EHBP1: variants seen among roughly 807,000 people sequenced by gnomAD.
The protein encoded by EHBP1 is EH domain binding protein 1.
Under a neutral mutation model 144.0 loss-of-function variants are expected in EHBP1, and 55 were observed. The ratio of observed to expected loss-of-function variants is 0.38; its 90% CI spans 0.31 to 0.48. EHBP1 has a LOEUF of 0.48. Among genes scored for constraint, EHBP1 ranks in the 20% least tolerant of loss-of-function variants. The probability of loss-of-function intolerance (pLI) is 0.98; values close to 1 mark genes in which losing one functional copy is unlikely to be tolerated. For synonymous variants in EHBP1, 469 were observed against 472.7 expected (o/e 0.99, Z 0.10); for missense variants, 1,200 against 1,364.2 (o/e 0.88, Z 1.90).
chr2:62,834,375 G>A (rs866644810), intron 7 of EHBP1, among the ~76,000 whole-genome samples: 1 of 152,116 alleles, frequency 6.6e-6, no homozygotes, highest in Non-Finnish European at 1.5e-5. Context: ...TCTTGTTTAG[G>A]AAATGGCAAC....
chr2:62,924,932 C>G (rs904647681), intron 10 of EHBP1, among the ~76,000 whole-genome samples: 1 of 152,114 alleles, frequency 6.6e-6, no homozygotes, highest in Non-Finnish European at 1.5e-5. Context: ...CCCTGATGAA[C>G]GTGGACACAA....
intron 1 of EHBP1, among the ~76,000 whole-genome samples, chr2:62,686,714 T>C (rs1295777185): frequency 1.3e-5 from 2 of 152,254 alleles, no homozygotes; most frequent in Non-Finnish European, 2.9e-5. Flanking sequence ...AAGCGAATGT[T>C]TTAAAAACAT....
chr2:62,863,840 GTTTT>G (rs70962797), intron 8 of EHBP1, among the ~76,000 whole-genome samples: 2 of 82,734 alleles, frequency 2.4e-5, no homozygotes, highest in Admixed American at 1.9e-4. Flanking sequence ...TTTCTGTGTT[GTTTT>G]TTTTTTTTTT....
In EHBP1 at chr2:62,993,657, A is replaced by G. The variant is rs1342693276; in HGVS notation, c.2861A>G (p.Glu954Gly). 2 of 1,596,566 alleles carry G rather than the reference A, an allele frequency of 1.3e-6. No individual in the cohort carries two copies. Among genetic ancestry groups the G allele is most frequent in the Non-Finnish European group, 1.7e-6 (2 of 1,169,978 alleles). The change falls in exon 17 of 23, where the codon GAG (glutamate) becomes GGG (glycine). Residue 954 changes from glutamate (E) to glycine (G), a missense_variant. By Grantham distance (98) the Glu-to-Gly change is moderately conservative. Transcript: ENST00000431489. Reference protein sequence around the residue: ...TQLQSFSQYIENRPEMKRQRS... With the variant: ...TQLQSFSQYIGNRPEMKRQRS... ...CTTCAGTCTTTCAGCCAATATATTG[A>G]GAATAGACCAGGTAGAACACTTTTT...
At chr2:62,994,948 T>C (rs2059570675) in intron 18 of EHBP1, among the ~76,000 whole-genome samples, 1 of 152,214 alleles carries the variant, frequency 6.6e-6, no homozygotes, top group Non-Finnish European at 1.5e-5. Flanking sequence ...TTTCTATTTT[T>C]AACTGAACCA....
chr2:62,936,535 A>G (rs2056398294), intron 10 of EHBP1, among the ~76,000 whole-genome samples: 1 of 152,040 alleles, frequency 6.6e-6, no homozygotes. Context: ...GCTATTTGGG[A>G]GTCCACCAAA....
chr2:63,028,664 G>A (rs2061093539), intron 19 of EHBP1, among the ~76,000 whole-genome samples: 2 of 152,110 alleles, frequency 1.3e-5, no homozygotes, highest in Non-Finnish European at 2.9e-5. Context: ...TTATTGGAAG[G>A]AACCTATCTG....
intron 10 of EHBP1, among the ~76,000 whole-genome samples, 185 bp from the exon 11 acceptor site, chr2:62,942,533 G>T (rs996181062): frequency 2.6e-5 from 4 of 152,212 alleles, no homozygotes; most frequent in African/African-American, 9.6e-5. Context: ...AATGCCAAGG[G>T]CTAAAACTGA....
intron 4 of EHBP1, among the ~76,000 whole-genome samples, chr2:62,764,775 A>G (rs1336994728): frequency 6.6e-6 from 1 of 152,100 alleles, no homozygotes; most frequent in Non-Finnish European, 1.5e-5. Flanking sequence ...TGTGTTTTAA[A>G]TTGATATTTG....
chr2:62,747,466 C>T lies in EHBP1; in HGVS notation c.162+14C>T, dbSNP rs2039267874. On this transcript the variant is annotated intron_variant, in intron 3 of 22. Coordinates refer to ENST00000431489, the MANE Select transcript of EHBP1 (RefSeq NM_001142616.3). The stretch of plus-strand genomic sequence containing the variant: ...AAGTCTTCTAAGGTTAGTGTATTTT[C>T]TAAATTTCTTACCTAATTGTTGAAT... 1 of 1,595,350 alleles carries T rather than the reference C, an allele frequency of 6.3e-7. No homozygotes were observed. Among genetic ancestry groups the T allele is most frequent in the African/African-American group, 1.3e-5 (1 of 74,230 alleles).
intron 10 of EHBP1, among the ~76,000 whole-genome samples, chr2:62,929,206 G>A (rs758250778): frequency 2.0e-5 from 3 of 152,184 alleles, no homozygotes; most frequent in Non-Finnish European, 4.4e-5. Flanking sequence ...AAACATTGGA[G>A]AGGGAATACT....
At chr2:62,840,721 C>T (rs988474014) in intron 7 of EHBP1, among the ~76,000 whole-genome samples, 5 of 150,734 alleles carry the variant, frequency 3.3e-5, no homozygotes, top group Non-Finnish European at 7.4e-5. Context: ...TTTATGCAGC[C>T]AAAAAACACA....
intron 5 of EHBP1, among the ~76,000 whole-genome samples, chr2:62,794,883 C>T (rs1013784742): frequency 1.3e-5 from 2 of 151,894 alleles, no homozygotes; most frequent in Admixed American, 6.6e-5. Flanking sequence ...ATGTATAAAC[C>T]CTTTCTTTTA....
At chr2:62,865,630 G>A (rs1325223563) in intron 9 of EHBP1, among the ~76,000 whole-genome samples, 1 of 152,078 alleles carries the variant, frequency 6.6e-6, no homozygotes, top group Non-Finnish European at 1.5e-5. Context: ...AACACAGACT[G>A]GATTTAGCCT....
chr2:62,741,382 A>C (rs72888930), intron 2 of EHBP1, among the ~76,000 whole-genome samples: 2 of 152,146 alleles, frequency 1.3e-5, no homozygotes, highest in African/African-American at 4.8e-5. Context: ...TGTTCTGCTA[A>C]AAGTTATTAC....
intron 19 of EHBP1, among the ~76,000 whole-genome samples, chr2:63,020,544 G>A (rs1311737807): frequency 6.6e-6 from 1 of 151,560 alleles, no homozygotes; most frequent in African/African-American, 2.4e-5. Context: ...AGAAAAGGCT[G>A]ATAATACCTA....
chr2:62,779,949 T>C (rs1389584051), intron 5 of EHBP1, among the ~76,000 whole-genome samples: 1 of 152,170 alleles, frequency 6.6e-6, no homozygotes, highest in Non-Finnish European at 1.5e-5. Context: ...TGTTGTTTGC[T>C]TTACCAGATT....
intron 9 of EHBP1, among the ~76,000 whole-genome samples, chr2:62,869,973 T>C (rs2050333377): frequency 6.6e-6 from 1 of 152,192 alleles, no homozygotes; most frequent in African/African-American, 2.4e-5. Context: ...TATAATTATA[T>C]GATCACTTGT....
intron 3 of EHBP1, among the ~76,000 whole-genome samples, chr2:62,760,673 A>C (rs1174662893): frequency 6.6e-6 from 1 of 152,122 alleles, no homozygotes. Flanking sequence ...TGTGTCATAC[A>C]CTGAAATATT....
Sources: allele counts gnomAD v4.1 joint callset (sites outside exome capture counted in the v4.1 genomes callset), GRCh38; gene constraint gnomAD v4.1.1; transcripts MANE v1.5; gene names NCBI Gene and HGNC (gene_info 2026-07-23, HGNC 2026-07-21).